The following ENTREP2 variants were observed in gnomAD, a reference collection of about 807,000 sequenced individuals.
ENTREP2 encodes the protein endosomal transmembrane epsin interactor 2, also known as protein ENTREP2.
the ENTREP2 span, among the ~76,000 whole-genome samples, chr15:29,407,318 G>A: frequency 6.6e-6 from 1 of 152,272 alleles, no homozygotes; most frequent in Non-Finnish European, 1.5e-5. Context: ...AGAATCTCAT[G>A]GGACCACCAT....
At chr15:29,343,409 C>T in the ENTREP2 span, among the ~76,000 whole-genome samples, 1 of 152,268 alleles carries the variant, frequency 6.6e-6, no homozygotes, top group South Asian at 2.1e-4. Context: ...CCTTTCAAGA[C>T]TGTGACATAG....
the ENTREP2 span, chr15:29,609,682 T>C: frequency 6.7e-6 from 1 of 150,232 alleles, no homozygotes; most frequent in Non-Finnish European, 1.5e-5. Flanking sequence ...TCTATAATAA[T>C]AATAATCTGT....
chr15:29,560,540 C>T, the ENTREP2 span, among the ~76,000 whole-genome samples: 7 of 152,202 alleles, frequency 4.6e-5, no homozygotes, highest in South Asian at 1.5e-3. Context: ...CCAGGGTGTC[C>T]CTTGCAGGGG....
At chr15:29,415,650 G>A in the ENTREP2 span, among the ~76,000 whole-genome samples, 1 of 152,118 alleles carries the variant, frequency 6.6e-6, no homozygotes, top group Non-Finnish European at 1.5e-5. Flanking sequence ...TTCTGGCCAG[G>A]GCAGTCAGGC....
At chr15:29,286,237 A>G in the ENTREP2 span, among the ~76,000 whole-genome samples, 1 of 152,250 alleles carries the variant, frequency 6.6e-6, no homozygotes, top group Non-Finnish European at 1.5e-5. Context: ...ACCCCAAGTT[A>G]TCTTATTTTC....
At chr15:29,158,209 T>C in the ENTREP2 span, among the ~76,000 whole-genome samples, 1 of 152,208 alleles carries the variant, frequency 6.6e-6, no homozygotes, top group African/African-American at 2.4e-5. Context: ...AACTCTGACC[T>C]CTGTTTGCAT....
the ENTREP2 span, among the ~76,000 whole-genome samples, chr15:29,507,639 G>T: frequency 6.6e-6 from 1 of 152,160 alleles, no homozygotes; most frequent in Non-Finnish European, 1.5e-5. Context: ...TGAACAACCT[G>T]CTACTGAATG....
At chr15:29,280,098 T>C in the ENTREP2 span, among the ~76,000 whole-genome samples, 1 of 152,348 alleles carries the variant, frequency 6.6e-6, no homozygotes, top group Non-Finnish European at 1.5e-5. Flanking sequence ...TATGTACATA[T>C]GTGATCCTGA....
chr15:29,559,374 C>T, the ENTREP2 span, among the ~76,000 whole-genome samples: 1 of 152,070 alleles, frequency 6.6e-6, no homozygotes, highest in East Asian at 1.9e-4. Context: ...CTTTGGACCA[C>T]CAGCAGGTAA....
At chr15:29,305,635 AAACTGAGT>A in the ENTREP2 span, among the ~76,000 whole-genome samples, 1 of 152,170 alleles carries the variant, frequency 6.6e-6, no homozygotes, top group Admixed American at 6.5e-5. Flanking sequence ...TTGGCCTCAG[AAACTGAGT>A]AAATGGCAGT....
At chr15:29,273,561 A>C in the ENTREP2 span, among the ~76,000 whole-genome samples, 1 of 152,170 alleles carries the variant, frequency 6.6e-6, no homozygotes, top group South Asian at 2.1e-4. Context: ...GATTGAAGGA[A>C]GCAAAGTATT....
the ENTREP2 span, among the ~76,000 whole-genome samples, chr15:29,201,527 C>T: frequency 2.0e-5 from 3 of 152,176 alleles, no homozygotes; most frequent in Admixed American, 6.5e-5. Context: ...ACAATTGATA[C>T]AGCCATGCAG....
chr15:29,215,897 T>C, the ENTREP2 span, among the ~76,000 whole-genome samples: 3 of 152,164 alleles, frequency 2.0e-5, no homozygotes, highest in African/African-American at 7.2e-5. Flanking sequence ...TGAGTTCTTA[T>C]CTATTCTGTG....
At chr15:29,484,330 C>T in the ENTREP2 span, among the ~76,000 whole-genome samples, 5 of 152,256 alleles carry the variant, frequency 3.3e-5, no homozygotes, top group South Asian at 1.0e-3. Flanking sequence ...GTTCAGAGGG[C>T]ACTCCACTGC....
At chr15:29,253,466 T>TG in the ENTREP2 span, among the ~76,000 whole-genome samples, 1 of 151,618 alleles carries the variant, frequency 6.6e-6, no homozygotes, top group Non-Finnish European at 1.5e-5. Context: ...TTTTTTTTTT[T>TG]GTGATGGAGT....
the ENTREP2 span, among the ~76,000 whole-genome samples, chr15:29,397,235 C>A: frequency 6.6e-6 from 1 of 151,926 alleles, no homozygotes; most frequent in Non-Finnish European, 1.5e-5. Context: ...ACTAAAAATA[C>A]AAACAATTAG....
the ENTREP2 span, among the ~76,000 whole-genome samples, chr15:29,171,429 T>C: frequency 6.6e-6 from 1 of 152,166 alleles, no homozygotes; most frequent in Non-Finnish European, 1.5e-5. Context: ...TACTGTCTGT[T>C]CACCCCTGTG....
the ENTREP2 span, among the ~76,000 whole-genome samples, chr15:29,180,703 A>T: frequency 7.2e-5 from 11 of 152,042 alleles, no homozygotes; most frequent in African/African-American, 2.4e-4. Context: ...AAATAAAAAT[A>T]AAAAAGTAAC....
At chr15:29,260,559 C>G in the ENTREP2 span, among the ~76,000 whole-genome samples, 3 of 152,122 alleles carry the variant, frequency 2.0e-5, no homozygotes, top group African/African-American at 4.8e-5. Context: ...ACAGAAAAAC[C>G]ATTTGACCCA....
Sources: gnomAD v4.1 joint callset for allele counts (sites outside exome capture counted in the v4.1 genomes callset) on GRCh38, gnomAD v4.1.1 for gene constraint, MANE v1.5 for transcripts, NCBI Gene and HGNC (gene_info 2026-07-23, HGNC 2026-07-21) for gene names.